Variants in BRCA1 observed in about 807,000 individuals in gnomAD.
BRCA1 encodes the protein BRCA1 DNA repair associated.
A neutral mutation model predicts 173.7 loss-of-function variants in BRCA1; 140 were observed. The observed-to-expected ratio is 0.81, with a 90% CI of 0.70 to 0.93. BRCA1 has a LOEUF of 0.93. Among genes scored for constraint, BRCA1 ranks in the 40% least tolerant of loss-of-function variants. The pLI is 0.00. For synonymous variants in BRCA1, 662 were observed against 756.0 expected (o/e 0.88, Z 2.04); for missense variants, 1,983 against 2,172.5 (o/e 0.91, Z 1.73).
chr17:43,046,111 G>A (rs1021947295), intron 22 of BRCA1, among the ~76,000 whole-genome samples: 2 of 151,604 alleles, frequency 1.3e-5, no homozygotes, highest in Admixed American at 6.6e-5. Flanking sequence ...TAGTAGAGAC[G>A]GGGGTTTCAC....
At chr17:43,115,878 T>C in intron 2 of BRCA1, 99 bp from the exon 3 acceptor site, 1 of 1,262,406 alleles carries the variant, frequency 7.9e-7, no homozygotes, top group Non-Finnish European at 1.1e-6. Flanking sequence ...TTTGAGCTGT[T>C]ATGACTGAGT....
At chr17:43,165,586 C>A (rs1443216835) in intron 1 of BRCA1, among the ~76,000 whole-genome samples, 1 of 151,498 alleles carries the variant, frequency 6.6e-6, no homozygotes, top group East Asian at 1.9e-4. Flanking sequence ...TCTTTCGTGA[C>A]TTTCGCAGAC....
intron 1 of BRCA1, among the ~76,000 whole-genome samples, chr17:43,146,409 C>T (rs775494378): frequency 2.7e-5 from 4 of 148,368 alleles, no homozygotes; most frequent in Non-Finnish European, 5.9e-5. Flanking sequence ...CCCGGGTTCA[C>T]GCCATTCTCC....
At chr17:43,137,573 G>A (rs1041927590) in intron 1 of BRCA1, among the ~76,000 whole-genome samples, 3 of 152,114 alleles carry the variant, frequency 2.0e-5, no homozygotes, top group African/African-American at 7.2e-5. Flanking sequence ...AGATCCACAG[G>A]TGTATTTTCA....
At chr17:43,133,239 A>G (rs2055986374) in intron 1 of BRCA1, 1 of 152,156 alleles carries the variant, frequency 6.6e-6, no homozygotes, top group Non-Finnish European at 1.5e-5. Flanking sequence ...CCCAGAGGAC[A>G]GATTTGAAGT....
intron 12 of BRCA1, among the ~76,000 whole-genome samples, chr17:43,079,978 T>C (rs1381332270): frequency 6.6e-6 from 1 of 152,198 alleles, no homozygotes. Context: ...TGCTTTTTTT[T>C]CTCCTTAATC....
In BRCA1 at chr17:43,093,207, G is replaced by C. The variant is rs1567796086; in HGVS notation, c.2324C>G (p.Thr775Ser). The C allele has an allele frequency of 6.2e-7, 1 of 1,613,832 alleles. No homozygotes were observed. Among genetic ancestry groups the C allele is most frequent in the East Asian group, 2.2e-5 (1 of 44,866 alleles). The part of the protein sequence containing the change: ...ESSSISLVPG[T>S]DYGTQESISL... Reference sequence around the variant, plus strand: ...GATACTTTCCTGAGTGCCATAATCAGTACCAGGTACCAATGAAATACTGCT... The same window carrying C: ...GATACTTTCCTGAGTGCCATAATCACTACCAGGTACCAATGAAATACTGCT... The change falls in exon 10 of 23, where the codon ACT (threonine) becomes AGT (serine). Residue 775 changes from threonine to serine, a missense_variant. Coordinates refer to ENST00000357654, the MANE Select transcript of BRCA1 (RefSeq NM_007294.4).
chr17:43,115,914 A>G (rs1480708789), intron 2 of BRCA1, 135 bp from the exon 3 acceptor site: 2 of 816,804 alleles, frequency 2.4e-6, no homozygotes, highest in South Asian at 1.7e-5. Flanking sequence ...AGTTCGTTCA[A>G]TATTTATTAA....
intron 1 of BRCA1, among the ~76,000 whole-genome samples, chr17:43,149,057 A>G (rs1359767655): frequency 3.3e-5 from 5 of 152,006 alleles, no homozygotes; most frequent in Admixed American, 3.3e-4. Context: ...GTATTTGAAT[A>G]TAACCAACAC....
intron 1 of BRCA1, among the ~76,000 whole-genome samples, chr17:43,153,016 T>C (rs1305183136): frequency 2.0e-5 from 3 of 151,928 alleles, no homozygotes; most frequent in Admixed American, 1.3e-4. Flanking sequence ...GCCCGGGCAA[T>C]AGAGTGAGAT....
Position 43,057,151 on chromosome 17 carries a change from C to T in BRCA1, c.5194-16G>A, listed in dbSNP as rs368058346. 2.5e-6 allele frequency: 4 copies of T among 1,610,786 alleles called. No homozygotes were observed. In the African/African-American group the frequency reaches 5.3e-5, roughly 22 times the overall value. On this transcript the variant is annotated splice_polypyrimidine_tract_variant and intron_variant, in intron 18 of 22. Coordinates refer to ENST00000357654, the MANE Select transcript of BRCA1 (RefSeq NM_007294.4). ...CAAAATCATGCTGAAAGAAACCAAA[C>T]ACAACCCATCAGGATAAGAGAAAGA...
chr17:43,088,769 T>A (rs774637480), intron 11 of BRCA1, among the ~76,000 whole-genome samples: 1 of 152,194 alleles, frequency 6.6e-6, no homozygotes. Flanking sequence ...AGAATGTGCC[T>A]ACGGCAGGTC....
chr17:43,123,506 C>T (rs528055173), intron 2 of BRCA1, among the ~76,000 whole-genome samples: 2 of 152,098 alleles, frequency 1.3e-5, no homozygotes, highest in African/African-American at 2.4e-5. Context: ...CATGCCACTA[C>T]GCCCAGCTAA....
chr17:43,072,718 C>T (rs570578083), intron 14 of BRCA1, among the ~76,000 whole-genome samples: 3 of 151,810 alleles, frequency 2.0e-5, no homozygotes, highest in Non-Finnish European at 4.4e-5. Context: ...GCATAAGCCA[C>T]CAAGCCTGGC....
chr17:43,110,508 C>T, intron 3 of BRCA1: 1 of 429,630 alleles, frequency 2.3e-6, no homozygotes, highest in South Asian at 1.6e-5. Flanking sequence ...ATCGCTTGAG[C>T]CTAGGAGGTC....
chr17:43,150,171 G>A (rs1444893992), intron 1 of BRCA1, among the ~76,000 whole-genome samples: 2 of 151,924 alleles, frequency 1.3e-5, no homozygotes, highest in Middle Eastern at 3.2e-3. Context: ...GTGTAGTGGC[G>A]TGATCATGGG....
At chr17:43,052,788 C>T (rs2051299750) in intron 19 of BRCA1, among the ~76,000 whole-genome samples, 1 of 96,888 alleles carries the variant, frequency 1.0e-5, no homozygotes, top group African/African-American at 3.5e-5. Flanking sequence ...GAAACACACA[C>T]ACACACACAC....
rs555689803 is a variant in BRCA1 at position 43,140,835 on chromosome 17, C to T, written c.-19-16720G>A. On this transcript the variant is annotated intron_variant, in intron 1 of 7. Transcript: ENST00000634433. ...TTCCATCTTTTTCATGGACTCTCCC[C>T]AGGCGGCCTGACCTTCCCTCCTCTG... 9.8e-4 allele frequency among the ~76,000 whole-genome samples: 149 copies of T among 152,328 alleles called. 1 individual carries two copies. Among genetic ancestry groups the T allele is most frequent in the Non-Finnish European group, 1.8e-3 (120 of 68,022 alleles).
At chr17:43,089,806 A>T (rs1034732390) in intron 11 of BRCA1, among the ~76,000 whole-genome samples, 2 of 151,938 alleles carry the variant, frequency 1.3e-5, no homozygotes, top group African/African-American at 4.8e-5. Context: ...CAGGATTTTG[A>T]GACCAGCCTG....
Sources: allele counts gnomAD v4.1 joint callset (sites outside exome capture counted in the v4.1 genomes callset), GRCh38; gene constraint gnomAD v4.1.1; transcripts MANE v1.5; gene names NCBI Gene and HGNC (gene_info 2026-07-23, HGNC 2026-07-21).